DNAH5: variants seen among roughly 807,000 people sequenced by gnomAD.
The protein encoded by DNAH5 is axonemal beta dynein heavy chain 5.
In DNAH5, 372 loss-of-function variants were observed where a neutral mutation model predicts 518.2. The observed-to-expected ratio is 0.72, with a 90% confidence interval of 0.66 to 0.78. The LOEUF (loss-of-function observed/expected upper bound fraction) is 0.78. Among genes scored for constraint, DNAH5 ranks in the 30% least tolerant of loss-of-function variants. The pLI is 0.00. For synonymous variants in DNAH5, 2,039 were observed against 2,025.9 expected (o/e 1.01, Z -0.17); for missense variants, 5,523 against 5,687.0 (o/e 0.97, Z 0.93).
chr5:13,801,333 C>T (rs187315306), intron 47 of DNAH5, among the ~76,000 whole-genome samples: 9 of 152,340 alleles, frequency 5.9e-5, no homozygotes, highest in Admixed American at 4.6e-4. Flanking sequence ...CCCCTTCCAA[C>T]ATAACTGAAA....
chr5:13,838,411 C>A (rs924518022), intron 35 of DNAH5, among the ~76,000 whole-genome samples: 1 of 152,174 alleles, frequency 6.6e-6, no homozygotes, highest in Non-Finnish European at 1.5e-5. Flanking sequence ...GCTCACATAA[C>A]CGCCTGAGCT....
intron 52 of DNAH5, among the ~76,000 whole-genome samples, chr5:13,783,794 G>A (rs12188978): frequency 0.04 from 6,141 of 152,176 alleles, 178 homozygotes; most frequent in South Asian, 0.076. Context: ...GGCTTCTATC[G>A]TGCCTTGTAA....
At chr5:13,706,265 T>C (rs1051910676) in intron 76 of DNAH5, among the ~76,000 whole-genome samples, 6 of 152,250 alleles carry the variant, frequency 3.9e-5, no homozygotes, top group Non-Finnish European at 5.9e-5. Flanking sequence ...CATTTCTGTC[T>C]TGATTTCCCC....
chr5:13,885,245 G>A lies in DNAH5; in HGVS notation c.2744-17C>T, dbSNP rs370350441. ...CTCTTTTTGCTGTTACAAGATGAAA[G>A]AGATAGAGATAGAGATAAGTTAGAT... On this transcript the variant is annotated splice_polypyrimidine_tract_variant and intron_variant, in intron 18 of 78. Coordinates refer to ENST00000265104, the MANE Select transcript of DNAH5 (RefSeq NM_001369.3). 1 of 1,613,148 alleles carries A rather than the reference G, an allele frequency of 6.2e-7. No homozygotes were observed. Among genetic ancestry groups the A allele is most frequent in the South Asian group, 1.1e-5 (1 of 90,766 alleles).
intron 67 of DNAH5, 27 bp from the exon 68 acceptor site, chr5:13,735,348 C>T (rs1403977967): frequency 6.3e-6 from 10 of 1,597,366 alleles, no homozygotes; most frequent in Non-Finnish European, 8.6e-6. Context: ...TTAAATCAGG[C>T]TTATCCCACT....
In DNAH5 at chr5:13,766,116, G is replaced by T. The variant is rs763063590; in HGVS notation, c.9961C>A (p.Arg3321=). Residue 3321 remains arginine (R), a synonymous_variant, in exon 59 of 79, where the codon CGG becomes AGG. Transcript: ENST00000265104. ...TLGRPPHLIM[R]IMDCVLLLFQ... is the part of the protein sequence containing the mutation. Reference sequence around the variant, plus strand: ...AGCAGCAGTACGCAATCCATGATCCGCATGATGAGGTGAGGGGGGCGGCCC... The same window carrying T: ...AGCAGCAGTACGCAATCCATGATCCTCATGATGAGGTGAGGGGGGCGGCCC... The T allele has an allele frequency of 6.2e-7, 1 of 1,614,182 alleles. No homozygotes were observed. Among genetic ancestry groups the T allele is most frequent in the East Asian group, 2.2e-5 (1 of 44,890 alleles).
intron 1 of DNAH5, among the ~76,000 whole-genome samples, chr5:13,968,675 T>C (rs1781687038): frequency 6.6e-6 from 1 of 152,212 alleles, no homozygotes; most frequent in Non-Finnish European, 1.5e-5. Flanking sequence ...TAATTGATCA[T>C]GGTGAATTAT....
At chr5:13,919,504 T>C in intron 6 of DNAH5, 152 bp from the exon 7 acceptor site, 2 of 833,180 alleles carry the variant, frequency 2.4e-6, no homozygotes, top group South Asian at 2.2e-5. Context: ...TTTTACTCAC[T>C]TAGCATGCAT....
chr5:13,768,857 T>C, intron 58 of DNAH5, 103 bp downstream of exon 58: 1 of 1,303,174 alleles, frequency 7.7e-7, no homozygotes. Flanking sequence ...GATAGAGCTT[T>C]CATCTGAACC....
rs989406381 is a variant in DNAH5, at chr5:13,901,680, G to A, written c.1731-107C>T. 6 of 716,452 alleles carry A rather than the reference G, an allele frequency of 8.4e-6. No homozygotes were observed. The Admixed American group carries it at 1.4e-4, about 16-fold the overall frequency. The allele number at this position is 716,452 out of a possible 1,614,324, so 44.4% of individuals were successfully genotyped here. ...TTTATTAATATTTATTTTTTAAAATGCTAATGGAAAAGAATGAGATATTTA... is the reference window on the plus strand; with the variant it reads ...TTTATTAATATTTATTTTTTAAAATACTAATGGAAAAGAATGAGATATTTA... On this transcript the variant is annotated intron_variant, in intron 13 of 78. Transcript: ENST00000265104.
At chr5:13,776,828 T>G in intron 54 of DNAH5, 122 bp from the exon 55 acceptor site, 2 of 1,121,640 alleles carry the variant, frequency 1.8e-6, no homozygotes, top group East Asian at 2.4e-5. Flanking sequence ...TACAGAAAAT[T>G]GAAAGTTTTC....
intron 3 of DNAH5, among the ~76,000 whole-genome samples, chr5:13,926,599 G>T (rs1777895027): frequency 6.6e-6 from 1 of 152,188 alleles, no homozygotes; most frequent in Non-Finnish European, 1.5e-5. Context: ...TTGAGTTAAG[G>T]TTGTGTTTGT....
intron 58 of DNAH5, 139 bp from the exon 59 acceptor site, chr5:13,766,318 A>G: frequency 2.4e-6 from 2 of 828,778 alleles, no homozygotes; most frequent in Non-Finnish European, 4.1e-6. Context: ...GTCTAGATGC[A>G]TATTTAATCC....
chr5:13,828,569 T>C (rs1763225794), intron 38 of DNAH5, among the ~76,000 whole-genome samples: 1 of 152,266 alleles, frequency 6.6e-6, no homozygotes, highest in Admixed American at 6.5e-5. Context: ...TGTGTGATTA[T>C]GTGGTCACAT....
intron 24 of DNAH5, 148 bp from the exon 25 acceptor site, chr5:13,868,140 G>A: frequency 1.4e-6 from 1 of 709,408 alleles, no homozygotes; most frequent in Middle Eastern, 3.9e-4. Context: ...AACCGCAAGA[G>A]GTTAACTGTG....
intron 1 of DNAH5, among the ~76,000 whole-genome samples, chr5:13,995,650 T>C (rs984600564): frequency 1.3e-5 from 2 of 152,060 alleles, no homozygotes; most frequent in Admixed American, 6.6e-5. Flanking sequence ...AGTAGCAAAA[T>C]GTTTTAATTA....
intron 75 of DNAH5, among the ~76,000 whole-genome samples, chr5:13,713,475 C>T (rs1042439946): frequency 1.1e-4 from 5 of 46,900 alleles, no homozygotes; most frequent in African/African-American, 3.3e-4. Flanking sequence ...ATACACACAC[C>T]GATATATATA....
chr5:13,894,705 C>A lies in DNAH5; in HGVS notation c.2376G>T (p.Leu792=). Reference sequence around the variant, plus strand: ...CCTCAATATTCAGTGATGTCCAGGTCAGTGCAGCCAAGCCAGGTTGGAGAG... The same window carrying A: ...CCTCAATATTCAGTGATGTCCAGGTAAGTGCAGCCAAGCCAGGTTGGAGAG... ...DEALQPGLAA[L]TWTSLNIEAY... The change falls in exon 16 of 79, where the codon CTG becomes CTT. Residue 792 remains leucine (L), a synonymous_variant. Coordinates refer to ENST00000265104, the MANE Select transcript of DNAH5 (RefSeq NM_001369.3). 1 of 1,614,120 alleles carries A rather than the reference C, an allele frequency of 6.2e-7. No homozygotes were observed. Among genetic ancestry groups the A allele is most frequent in the Non-Finnish European group, 8.5e-7 (1 of 1,179,974 alleles).
rs1045324499 is a variant in DNAH5, at chr5:14,000,227, AG to A, written c.12+11420del. On this transcript the variant is annotated intron_variant, in intron 1 of 78. Coordinates refer to the DNAH5 transcript ENST00000681290. ...TTGGACAGAGACAAGCACAGAGGAA[AG>A]GCAATGTGAGGACACGGGGAGGACA... Among the ~76,000 whole-genome samples the A allele has an allele frequency of 3.3e-5, 5 of 152,200 alleles. No homozygotes were observed. In the East Asian group the frequency reaches 5.8e-4, roughly 18 times the overall value.
Sources: allele counts gnomAD v4.1 joint callset (sites outside exome capture counted in the v4.1 genomes callset), GRCh38; gene constraint gnomAD v4.1.1; transcripts MANE v1.5; gene names NCBI Gene and HGNC (gene_info 2026-07-23, HGNC 2026-07-21).